The following AGMO variants were observed in gnomAD, a reference collection of about 807,000 sequenced individuals.
AGMO encodes the protein alkylglycerol monooxygenase, also known as glyceryl-ether monooxygenase.
AGMO carries 75 observed loss-of-function variants against 60.2 expected under a neutral mutation model. The ratio of observed to expected loss-of-function variants is 1.25; its 90% confidence interval spans 1.03 to 1.51. The LOEUF (loss-of-function observed/expected upper bound fraction) is 1.51, where lower values mean the gene tolerates loss of function less well. Ranked by LOEUF, AGMO falls within the 40% of genes most tolerant of loss-of-function variation. AGMO has a pLI of 0.00. For missense variants in AGMO, 763 were observed against 525.5 expected (o/e 1.45, Z -4.42); for synonymous variants, 261 against 177.1 (o/e 1.47, Z -3.76).
chr7:15,382,807 T>C (rs1275882498), intron 10 of AGMO, among the ~76,000 whole-genome samples: 2 of 152,164 alleles, frequency 1.3e-5, no homozygotes, highest in Non-Finnish European at 1.5e-5. Flanking sequence ...ACCATAGATA[T>C]CTTAATTAAG....
chr7:15,181,056 A>C, the AGMO span, among the ~76,000 whole-genome samples: 1 of 152,176 alleles, frequency 6.6e-6, no homozygotes. Context: ...GCATTAATCT[A>C]TTCATGAGGG....
rs1055388409 is a variant in AGMO, at chr7:15,210,222, C to T, written c.1264-8863G>A. ...AATTTGATTGATTTCTCATTTTTCCCATGACCCAGGCAAAAAGCAATCAGA... is the reference window on the plus strand; with the variant it reads ...AATTTGATTGATTTCTCATTTTTCCTATGACCCAGGCAAAAAGCAATCAGA... On this transcript the variant is annotated intron_variant, in intron 12 of 12. Coordinates refer to ENST00000342526, the MANE Select transcript of AGMO (RefSeq NM_001004320.2). 9.9e-5 allele frequency among the ~76,000 whole-genome samples: 15 copies of T among 152,114 alleles called. No homozygotes were observed. In the East Asian group the frequency reaches 2.9e-3, roughly 29 times the overall value.
chr7:15,224,172 G>A (rs6967180), intron 12 of AGMO, among the ~76,000 whole-genome samples: 49,341 of 151,420 alleles, frequency 0.33, 12,044 homozygotes, highest in African/African-American at 0.69. Flanking sequence ...ATCAGATTAT[G>A]AGTAAAAGAA....
intron 12 of AGMO, among the ~76,000 whole-genome samples, chr7:15,260,135 A>G (rs1783225089): frequency 6.6e-6 from 1 of 151,424 alleles, no homozygotes; most frequent in South Asian, 2.1e-4. Flanking sequence ...TTTAAAAGAT[A>G]CAGAATGGCA....
At chr7:15,269,499 G>A (rs1480472519) in intron 12 of AGMO, among the ~76,000 whole-genome samples, 1 of 152,022 alleles carries the variant, frequency 6.6e-6, no homozygotes, top group Admixed American at 6.6e-5. Flanking sequence ...CGGAGGTGAA[G>A]GTTAGATAGG....
chr7:15,464,792 G>C (rs1487094591), intron 3 of AGMO, among the ~76,000 whole-genome samples: 1 of 152,142 alleles, frequency 6.6e-6, no homozygotes, highest in Non-Finnish European at 1.5e-5. Context: ...GACTAGAAAA[G>C]AATAAATACT....
At chr7:15,301,674 A>G (rs1784562719) in intron 12 of AGMO, among the ~76,000 whole-genome samples, 1 of 152,204 alleles carries the variant, frequency 6.6e-6, no homozygotes, top group Admixed American at 6.5e-5. Context: ...TTTAGAGGAT[A>G]ATAGAAATGT....
intron 12 of AGMO, among the ~76,000 whole-genome samples, chr7:15,248,212 A>ATATATATATATATATATG (rs1782819232): frequency 1.0e-5 from 1 of 97,918 alleles, no homozygotes; most frequent in Admixed American, 1.0e-4. Flanking sequence ...ATATATATAT[A>ATATATATATATATATATG]TATATATATA....
At chr7:15,328,104 T>C (rs1366590628) in intron 12 of AGMO, among the ~76,000 whole-genome samples, 1 of 151,290 alleles carries the variant, frequency 6.6e-6, no homozygotes, top group Non-Finnish European at 1.5e-5. Context: ...TTCCTTCTTT[T>C]CTTTTTTATT....
intron 5 of AGMO, among the ~76,000 whole-genome samples, chr7:15,411,791 A>G (rs1188095276): frequency 6.6e-6 from 1 of 152,108 alleles, no homozygotes; most frequent in Non-Finnish European, 1.5e-5. Flanking sequence ...CATATCACAA[A>G]TAGTATGTAT....
intron 3 of AGMO, among the ~76,000 whole-genome samples, chr7:15,434,936 A>G (rs1257298339): frequency 1.6e-5 from 2 of 126,558 alleles, no homozygotes; most frequent in Non-Finnish European, 3.1e-5. Flanking sequence ...TTTTGAGTGT[A>G]TCCTATCAAT....
At chr7:15,460,106 C>CA in intron 3 of AGMO, among the ~76,000 whole-genome samples, 1 of 121,704 alleles carries the variant, frequency 8.2e-6, no homozygotes, top group South Asian at 2.7e-4. Flanking sequence ...CCAATTTCCC[C>CA]TTTTTTTTTT....
At chr7:15,388,699 G>T (rs1019662053) in intron 8 of AGMO, among the ~76,000 whole-genome samples, 20 of 152,236 alleles carry the variant, frequency 1.3e-4, no homozygotes, top group Admixed American at 1.0e-3. Context: ...CCCTGTGTCT[G>T]TTGGGAGCCA....
intron 12 of AGMO, among the ~76,000 whole-genome samples, chr7:15,242,901 A>G (rs1782633873): frequency 1.3e-5 from 2 of 152,148 alleles, no homozygotes; most frequent in Non-Finnish European, 2.9e-5. Flanking sequence ...ATAATGATGA[A>G]TGCTACTACA....
intron 10 of AGMO, among the ~76,000 whole-genome samples, chr7:15,382,713 T>C (rs1783741787): frequency 6.6e-6 from 1 of 152,258 alleles, no homozygotes; most frequent in Non-Finnish European, 1.5e-5. Flanking sequence ...AAGTAATCAA[T>C]CCTGGAAACA....
chr7:15,283,483 A>G (rs1456939881), intron 12 of AGMO, among the ~76,000 whole-genome samples: 1 of 152,118 alleles, frequency 6.6e-6, no homozygotes. Flanking sequence ...TTTAAAAAAA[A>G]GACAAGGTCA....
rs773722647 is a variant in AGMO at position 15,225,621 on chromosome 7, ATAACT to A, written c.1264-24267_1264-24263del. Reference sequence around the variant, plus strand: ...ATATGAGAGATAAAAAGACAGACTAATAACTTAAGTTGAATATTTTTTTATAGCTG... The same window carrying A: ...ATATGAGAGATAAAAAGACAGACTAATAAGTTGAATATTTTTTTATAGCTG... On this transcript the variant is annotated intron_variant, in intron 12 of 12. Coordinates refer to ENST00000342526, the MANE Select transcript of AGMO (RefSeq NM_001004320.2). Among the ~76,000 whole-genome samples the A allele has an allele frequency of 1.1e-4, 17 of 151,992 alleles. No homozygotes were observed. In the East Asian group the frequency reaches 1.9e-3, roughly 17 times the overall value.
intron 3 of AGMO, among the ~76,000 whole-genome samples, chr7:15,472,730 A>G (rs568975640): frequency 6.6e-6 from 1 of 152,100 alleles, no homozygotes; most frequent in Non-Finnish European, 1.5e-5. Flanking sequence ...TTGTGGTAAT[A>G]TTAGCCTATA....
At chr7:15,137,392 C>T in the AGMO span, among the ~76,000 whole-genome samples, 5 of 152,076 alleles carry the variant, frequency 3.3e-5, no homozygotes, top group African/African-American at 1.2e-4. Context: ...TTATTTTTCC[C>T]TGTCCATAAT....
Sources: gnomAD v4.1 joint callset for allele counts (sites outside exome capture counted in the v4.1 genomes callset) on GRCh38, gnomAD v4.1.1 for gene constraint, MANE v1.5 for transcripts, NCBI Gene and HGNC (gene_info 2026-07-23, HGNC 2026-07-21) for gene names.